TEX2: variants seen among roughly 807,000 people sequenced by gnomAD.
TEX2 encodes the protein testis-expressed protein 2.
Under a neutral mutation model 106.9 loss-of-function variants are expected in TEX2, and 53 were observed. That is an observed-to-expected ratio of 0.50 (90% CI 0.40 to 0.62). The LOEUF (loss-of-function observed/expected upper bound fraction) is 0.62, where lower values mean the gene tolerates loss of function less well. TEX2 is among the 20% of genes least tolerant of loss of function. The probability of loss-of-function intolerance (pLI) is 0.00; values close to 1 mark genes in which losing one functional copy is unlikely to be tolerated. For synonymous variants in TEX2, 523 were observed against 534.8 expected (o/e 0.98, Z 0.30); for missense variants, 1,207 against 1,379.0 (o/e 0.88, Z 1.98).
chr17:64,199,175 G>A (rs1460398199), intron 2 of TEX2, among the ~76,000 whole-genome samples: 1 of 152,134 alleles, frequency 6.6e-6, no homozygotes, highest in African/African-American at 2.4e-5. Context: ...GGGAGGTGCT[G>A]TACAATGGAA....
Position 64,213,529 on chromosome 17 carries a change from G to C in TEX2, c.689C>G (p.Ser230Trp). 1 of 1,614,088 alleles carries C rather than the reference G, an allele frequency of 6.2e-7. No individual in the cohort carries two copies. Among genetic ancestry groups the C allele is most frequent in the Non-Finnish European group, 8.5e-7 (1 of 1,179,976 alleles). Residue 230 changes from serine (S) to tryptophan (W), a missense_variant, in exon 2 of 12, where the codon TCG becomes TGG. By Grantham distance (177) the Ser-to-Trp change is radical. This residue lies in a region of TEX2 where 1,067 missense variants were observed against 1,193.6 expected (regional missense o/e 0.89). Coordinates refer to ENST00000584379, the MANE Select transcript of TEX2 (RefSeq NM_001288732.2). The surrounding 1 kb of genome is among the most constrained non-coding windows in gnomAD (Gnocchi z 4.4). ...SLSTDTSRQE[S>W]DTVSYKPPDS... ...AGGTGGCTTATAGGACACTGTATCC[G>C]ACTCCTGCCGGGAAGTGTCCGTGGA...
intron 1 of TEX2, among the ~76,000 whole-genome samples, chr17:64,253,349 T>G (rs1555637268): frequency 7.1e-6 from 1 of 140,488 alleles, no homozygotes; most frequent in Admixed American, 7.2e-5. Flanking sequence ...TTTTTTTTTG[T>G]AGACAGGGTC....
At chr17:64,157,207 A>G (rs2030673374) in intron 8 of TEX2, among the ~76,000 whole-genome samples, 1 of 152,208 alleles carries the variant, frequency 6.6e-6, no homozygotes, top group African/African-American at 2.4e-5. Context: ...GATACACCAC[A>G]CTTACTTGTA....
chr17:64,239,975 C>G (rs1555635571), intron 1 of TEX2, among the ~76,000 whole-genome samples: 1 of 143,664 alleles, frequency 7.0e-6, no homozygotes, highest in African/African-American at 2.6e-5. Context: ...AGGTTAACAA[C>G]TTGAATTGTT....
chr17:64,170,514 A>G (rs1285119286), intron 7 of TEX2, among the ~76,000 whole-genome samples: 1 of 151,938 alleles, frequency 6.6e-6, no homozygotes, highest in East Asian at 1.9e-4. Context: ...ACCCCTACAA[A>G]AGCACAGGCC....
Position 64,176,493 on chromosome 17 carries a change from C to T in TEX2, c.2571+832G>A, listed in dbSNP as rs560929002. Among the ~76,000 whole-genome samples, 13 of 152,324 alleles carry T rather than the reference C, an allele frequency of 8.5e-5. No individual in the cohort carries two copies. The South Asian group carries it at 2.3e-3, about 27-fold the overall frequency. The stretch of plus-strand genomic sequence containing the variant: ...ATCCATACAACTTCAGGGCTACTGA[C>T]TTAAGCTACTGACTGTTCAGTGAAA... On this transcript the variant is annotated intron_variant, in intron 6 of 11. Coordinates refer to ENST00000584379, the MANE Select transcript of TEX2 (RefSeq NM_001288732.2).
At position 64,214,073 on chromosome 17, in the gene TEX2, C is replaced by T; in HGVS notation, c.145G>A (p.Glu49Lys). ...TCAAAGTACTCCCTGAACTCCTCCT[C>T]CTCTTCCTCCTCCTCCTCGCCGGAT... ...SASGEEEEEE[E>K]EEFREYFEEG... Residue 49 changes from glutamate to lysine, a missense_variant, in exon 2 of 12, where the codon GAG becomes AAG. Around this residue, in one of 3 missense-constraint regions of TEX2, gnomAD observed 1,067 missense variants for 1,193.6 expected, o/e 0.89. Coordinates refer to ENST00000584379, the MANE Select transcript of TEX2 (RefSeq NM_001288732.2). 1 of 1,614,174 alleles carries T rather than the reference C, an allele frequency of 6.2e-7. No individual in the cohort carries two copies. Among genetic ancestry groups the T allele is most frequent in the Non-Finnish European group, 8.5e-7 (1 of 1,180,010 alleles).
chr17:64,228,526 G>T (rs1179206168), intron 1 of TEX2, among the ~76,000 whole-genome samples: 3 of 152,128 alleles, frequency 2.0e-5, no homozygotes, highest in Admixed American at 2.0e-4. Context: ...CCTCGCATGC[G>T]CAGTTCACAG....
chr17:64,231,965 G>C (rs2033668315), intron 1 of TEX2, among the ~76,000 whole-genome samples: 1 of 152,224 alleles, frequency 6.6e-6, no homozygotes, highest in Non-Finnish European at 1.5e-5. Flanking sequence ...TCACCGGCAT[G>C]TTATCCGGGA....
At chr17:64,193,198 G>A (rs1765453040) in intron 4 of TEX2, among the ~76,000 whole-genome samples, 1 of 152,208 alleles carries the variant, frequency 6.6e-6, no homozygotes, top group African/African-American at 2.4e-5. Context: ...CATATTGAGG[G>A]TCAGGTGCTC....
At chr17:64,166,662 T>G (rs909056055) in intron 7 of TEX2, among the ~76,000 whole-genome samples, 2 of 152,238 alleles carry the variant, frequency 1.3e-5, no homozygotes, top group African/African-American at 4.8e-5. Flanking sequence ...ATACCAAAAA[T>G]GTACTAAAAA....
chr17:64,209,562 T>C (rs1555631211), intron 2 of TEX2, among the ~76,000 whole-genome samples: 1 of 152,206 alleles, frequency 6.6e-6, no homozygotes, highest in Admixed American at 6.5e-5. Context: ...ATTAGGGGTG[T>C]CAGTCTATGA....
In TEX2 at chr17:64,217,631, AC is replaced by A. The variant is rs1320829335; in HGVS notation, c.-25-3390del. Among the ~76,000 whole-genome samples the A allele has an allele frequency of 2.0e-5, 3 of 152,320 alleles. No homozygotes were observed. In the East Asian group the frequency reaches 5.8e-4, roughly 29 times the overall value. On this transcript the variant is annotated intron_variant, in intron 1 of 11. Coordinates refer to ENST00000584379, the MANE Select transcript of TEX2 (RefSeq NM_001288732.2). The surrounding 1 kb of genome is among the most constrained non-coding windows in gnomAD (Gnocchi z 4.3). ...CTCATTATCCATCTGACAATCTGGT[AC>A]CATATAAAATGGCTAGCCTCCTGCC...
chr17:64,160,543 C>T (rs1261343142), intron 8 of TEX2, among the ~76,000 whole-genome samples: 4 of 152,110 alleles, frequency 2.6e-5, no homozygotes, highest in Admixed American at 6.5e-5. Flanking sequence ...GTGATGTTTT[C>T]TGGGTAATCA....
At chr17:64,238,366 A>T (rs1472172357) in intron 1 of TEX2, among the ~76,000 whole-genome samples, 2 of 152,248 alleles carry the variant, frequency 1.3e-5, no homozygotes, top group South Asian at 2.1e-4. Flanking sequence ...TCAATTTTTT[A>T]AAATATATCT....
intron 5 of TEX2, 97 bp downstream of exon 5, chr17:64,188,071 A>T: frequency 7.1e-7 from 1 of 1,403,856 alleles, no homozygotes; most frequent in East Asian, 2.3e-5. Flanking sequence ...TACCACTGTT[A>T]TCCCAGTGCC....
At chr17:64,244,843 C>T (rs1488543045) in intron 1 of TEX2, among the ~76,000 whole-genome samples, 2 of 152,102 alleles carry the variant, frequency 1.3e-5, no homozygotes, top group African/African-American at 4.8e-5. Context: ...ATTACATGAA[C>T]TCTCTACTCC....
rs543741944 is a variant in TEX2, at chr17:64,149,402, C to T, written c.3262-311G>A. ...AACAATTTAAGAGAATTGGCTTAAG[C>T]TGTTCACAGTAGTTCCCAGTTACTA... On this transcript the variant is annotated intron_variant, in intron 11 of 11. Transcript: ENST00000584379. The T allele has an allele frequency of 4.5e-5, 12 of 264,464 alleles. 1 individual carries two copies. In the South Asian group the frequency reaches 6.0e-4, roughly 13 times the overall value. The allele number at this position is 264,464 out of a possible 1,614,324, so 16.4% of individuals were successfully genotyped here. A position where few individuals can be genotyped will look rare whatever the true frequency, so the allele number is the denominator to read the frequency against.
chr17:64,180,073 G>A (rs1371141920), intron 5 of TEX2, among the ~76,000 whole-genome samples: 1 of 152,136 alleles, frequency 6.6e-6, no homozygotes, highest in Non-Finnish European at 1.5e-5. Context: ...TGAGGTTACT[G>A]TCTTTGAGTC....
Sources: gnomAD v4.1 joint callset for allele counts (sites outside exome capture counted in the v4.1 genomes callset) on GRCh38, gnomAD v4.1.1 for gene constraint, gnomAD v4.1.1 regional missense constraint, Gnocchi (gnomAD v3.1) non-coding constraint, MANE v1.5 for transcripts, NCBI Gene and HGNC (gene_info 2026-07-23, HGNC 2026-07-21) for gene names.